NTM: variants seen among roughly 807,000 people sequenced by gnomAD.
NTM encodes neurotrimin, also known as IgLON family member 2.
Under a neutral mutation model 42.1 loss-of-function variants are expected in NTM, and 13 were observed. That is an observed-to-expected ratio of 0.31 (90% CI 0.20 to 0.49). The LOEUF is 0.49. Ranked by LOEUF, NTM falls within the 20% of genes least tolerant of loss-of-function variation. NTM has a pLI of 0.99. For missense variants in NTM, 373 were observed against 452.8 expected, an observed-to-expected ratio of 0.82 and a Z score of 1.60; for synonymous variants, 187 against 179.2, an observed-to-expected ratio of 1.04 and a Z score of -0.35.
At position 131,601,136 on chromosome 11, in the gene NTM, A is replaced by G. The variant is rs371815626; in HGVS notation, c.82+230248A>G. 1.2e-4 allele frequency among the ~76,000 whole-genome samples: 19 copies of G among 152,290 alleles called. 2 individuals are homozygous for G. In the East Asian group the frequency reaches 3.3e-3, roughly 26 times the overall value. On this transcript the variant is annotated intron_variant, in intron 1 of 8. Coordinates refer to ENST00000683400, the MANE Select transcript of NTM (RefSeq NM_001352005.2). ...GCCAGGAGGCAGGATGGGATCTGAG[A>G]GGGGTGGGCCACGCCCTTTCAACCT...
chr11:132,147,764 C>T (rs571349809), intron 3 of NTM, among the ~76,000 whole-genome samples: 2 of 152,228 alleles, frequency 1.3e-5, no homozygotes, highest in South Asian at 4.1e-4. Context: ...CCTAGGGGCT[C>T]CTTCCACCAG....
chr11:131,735,598 G>A (rs1388932325), intron 1 of NTM, among the ~76,000 whole-genome samples: 1 of 152,186 alleles, frequency 6.6e-6, no homozygotes, highest in Non-Finnish European at 1.5e-5. Flanking sequence ...CCGACAAAGT[G>A]TTTTTGAGTT....
At chr11:131,933,786 TG>T (rs375545392) in intron 2 of NTM, among the ~76,000 whole-genome samples, 385 of 152,220 alleles carry the variant, frequency 2.5e-3, no homozygotes, top group Non-Finnish European at 4.8e-3. Flanking sequence ...AAATCTAGCT[TG>T]GTGAGGAAAA....
chr11:131,960,802 C>G (rs2062076933), intron 2 of NTM, among the ~76,000 whole-genome samples: 1 of 152,210 alleles, frequency 6.6e-6, no homozygotes, highest in Admixed American at 6.5e-5. Context: ...CAAAATTGGT[C>G]TGTTACATCC....
chr11:131,862,847 C>T (rs1393401859), intron 1 of NTM, among the ~76,000 whole-genome samples: 1 of 152,192 alleles, frequency 6.6e-6, no homozygotes, highest in African/African-American at 2.4e-5. Context: ...ATCTCTCAAG[C>T]CTTTCAGAGC....
At chr11:132,274,096 T>A (rs1438395310) in intron 4 of NTM, among the ~76,000 whole-genome samples, 1 of 152,230 alleles carries the variant, frequency 6.6e-6, no homozygotes, top group African/African-American at 2.4e-5. Context: ...TAATTTTTTA[T>A]TTTAGTAATT....
chr11:131,429,063 T>G (rs1436811862), intron 1 of NTM, among the ~76,000 whole-genome samples: 1 of 151,636 alleles, frequency 6.6e-6, no homozygotes, highest in Non-Finnish European at 1.5e-5. Context: ...TCAAAATAAA[T>G]AAAGAAATTC....
At chr11:132,109,346 C>T (rs537360349) in intron 2 of NTM, among the ~76,000 whole-genome samples, 7 of 152,252 alleles carry the variant, frequency 4.6e-5, no homozygotes, top group South Asian at 2.1e-4. Context: ...CATTTCTCTA[C>T]ATCCTCTCCC....
chr11:131,933,588 C>T (rs958555028), intron 2 of NTM, among the ~76,000 whole-genome samples: 1 of 152,090 alleles, frequency 6.6e-6, no homozygotes, highest in Non-Finnish European at 1.5e-5. Context: ...ACTAATGGCT[C>T]TGGACTGTGC....
chr11:132,221,328 G>A (rs553872266), intron 4 of NTM, among the ~76,000 whole-genome samples: 7 of 152,266 alleles, frequency 4.6e-5, no homozygotes, highest in African/African-American at 7.2e-5. Context: ...ACAACTAGGC[G>A]AGACAGGTCT....
intron 8 of NTM, among the ~76,000 whole-genome samples, chr11:132,334,655 A>G (rs1401833269): frequency 6.6e-6 from 1 of 152,108 alleles, no homozygotes; most frequent in Non-Finnish European, 1.5e-5. Context: ...AGTGCTCAGA[A>G]GTGGATGGGT....
At chr11:131,475,183 C>G (rs1952801606) in intron 1 of NTM, among the ~76,000 whole-genome samples, 1 of 152,172 alleles carries the variant, frequency 6.6e-6, no homozygotes, top group African/African-American at 2.4e-5. Context: ...GAGGAAGTAA[C>G]TTTTGCAAAC....
chr11:131,650,771 A>T (rs1243572192), intron 1 of NTM, among the ~76,000 whole-genome samples: 2 of 152,196 alleles, frequency 1.3e-5, no homozygotes, highest in Non-Finnish European at 2.9e-5. Flanking sequence ...TACCAAATTT[A>T]AAAAAATTAC....
intron 1 of NTM, among the ~76,000 whole-genome samples, chr11:131,488,605 A>C (rs139380138): frequency 6.6e-6 from 1 of 152,210 alleles, no homozygotes; most frequent in Non-Finnish European, 1.5e-5. Context: ...CAGCATGTGC[A>C]TACAGGGTGG....
chr11:131,507,445 T>C (rs2047628582), intron 1 of NTM, among the ~76,000 whole-genome samples: 1 of 151,902 alleles, frequency 6.6e-6, no homozygotes, highest in South Asian at 2.1e-4. Context: ...TACCATGCTG[T>C]TTTGGTTACT....
chr11:132,124,317 C>T (rs2065315725), intron 2 of NTM, among the ~76,000 whole-genome samples: 2 of 152,276 alleles, frequency 1.3e-5, no homozygotes, highest in South Asian at 4.2e-4. Context: ...CGTGGCTGGG[C>T]TGGCTTTTGG....
At chr11:131,778,999 A>T (rs1243352319) in intron 1 of NTM, among the ~76,000 whole-genome samples, 3 of 152,236 alleles carry the variant, frequency 2.0e-5, no homozygotes, top group African/African-American at 4.8e-5. Flanking sequence ...AGCAATAGGA[A>T]GTCAGTGAGG....
At chr11:131,827,161 A>G (rs1565601419) in intron 1 of NTM, among the ~76,000 whole-genome samples, 1 of 152,204 alleles carries the variant, frequency 6.6e-6, no homozygotes, top group East Asian at 1.9e-4. Flanking sequence ...GGAAAGGGGA[A>G]AATAAATAGA....
intron 3 of NTM, among the ~76,000 whole-genome samples, chr11:132,159,814 G>A (rs2073937328): frequency 1.3e-5 from 2 of 152,202 alleles, no homozygotes; most frequent in African/African-American, 4.8e-5. Context: ...ATCACAGGCT[G>A]GAGCCCAGCG....
Sources: allele counts gnomAD v4.1 joint callset (sites outside exome capture counted in the v4.1 genomes callset), GRCh38; gene constraint gnomAD v4.1.1; transcripts MANE v1.5; gene names NCBI Gene and HGNC (gene_info 2026-07-23, HGNC 2026-07-21).